The following KCNN2 variants were observed in gnomAD, a reference collection of about 807,000 sequenced individuals.
The protein encoded by KCNN2 is small conductance calcium-activated potassium channel protein 2.
In KCNN2, 24 loss-of-function variants were observed where a neutral mutation model predicts 55.5. The observed-to-expected ratio is 0.43, with a 90% confidence interval of 0.31 to 0.61. The LOEUF (loss-of-function observed/expected upper bound fraction) is 0.61, where lower values mean the gene tolerates loss of function less well. Among genes scored for constraint, KCNN2 ranks in the 20% least tolerant of loss-of-function variants. The pLI, the probability that KCNN2 is intolerant of heterozygous loss-of-function variation, is 0.08. For missense variants in KCNN2, 754 were observed against 853.6 expected, an observed-to-expected ratio of 0.88 and a Z score of 1.45; for synonymous variants, 431 against 336.1, an observed-to-expected ratio of 1.28 and a Z score of -3.09.
At chr5:114,337,401 AG>A (rs1756941005) in intron 2 of KCNN2, among the ~76,000 whole-genome samples, 3 of 152,202 alleles carry the variant, frequency 2.0e-5, no homozygotes, top group Non-Finnish European at 4.4e-5. Context: ...TGTCCCATGT[AG>A]CTAGTGAAAA....
intron 1 of KCNN2, among the ~76,000 whole-genome samples, chr5:114,058,087 A>G (rs1422839258): frequency 6.6e-6 from 1 of 152,244 alleles, no homozygotes; most frequent in African/African-American, 2.4e-5. Context: ...CATGTTCGAC[A>G]GAAGACATGC....
At chr5:114,300,354 C>G (rs1228131734) in intron 2 of KCNN2, among the ~76,000 whole-genome samples, 1 of 152,188 alleles carries the variant, frequency 6.6e-6, no homozygotes, top group Non-Finnish European at 1.5e-5. Context: ...GGACAACAGT[C>G]TCAGCCTCCA....
chr5:114,105,399 C>T (rs1454186842), intron 1 of KCNN2, among the ~76,000 whole-genome samples: 2 of 152,006 alleles, frequency 1.3e-5, no homozygotes, highest in Non-Finnish European at 2.9e-5. Context: ...TCTTTGATAG[C>T]ATCCTGTTTG....
intron 3 of KCNN2, among the ~76,000 whole-genome samples, chr5:114,433,006 G>C (rs866552326): frequency 1.3e-5 from 2 of 152,094 alleles, no homozygotes; most frequent in Non-Finnish European, 2.9e-5. Flanking sequence ...TCCCTGATGA[G>C]CGCCACCCCC....
chr5:114,129,046 G>T (rs560601443), intron 1 of KCNN2, among the ~76,000 whole-genome samples: 30 of 152,212 alleles, frequency 2.0e-4, no homozygotes, highest in African/African-American at 6.7e-4. Context: ...CAAAGATAAG[G>T]GTTTGATAGC....
chr5:114,451,681 G>C (rs1760686168), intron 3 of KCNN2, among the ~76,000 whole-genome samples: 1 of 152,070 alleles, frequency 6.6e-6, no homozygotes, highest in South Asian at 2.1e-4. Flanking sequence ...CGGATTATGA[G>C]GTCAGGAGAT....
At chr5:114,283,027 T>A (rs890309644) in intron 2 of KCNN2, among the ~76,000 whole-genome samples, 1 of 152,216 alleles carries the variant, frequency 6.6e-6, no homozygotes. Flanking sequence ...TCCACTATCA[T>A]GTGAATTTGT....
chr5:114,169,153 A>C (rs1358737335), intron 1 of KCNN2, among the ~76,000 whole-genome samples: 1 of 152,118 alleles, frequency 6.6e-6, no homozygotes, highest in Non-Finnish European at 1.5e-5. Flanking sequence ...CTTCCTGTAC[A>C]GCCTGCAGAA....
At chr5:114,162,041 G>A (rs191324476) in intron 1 of KCNN2, among the ~76,000 whole-genome samples, 67 of 152,300 alleles carry the variant, frequency 4.4e-4, no homozygotes, top group African/African-American at 1.6e-3. Context: ...TCCATTGCTG[G>A]TGAGGAGCTG....
intron 1 of KCNN2, among the ~76,000 whole-genome samples, chr5:114,066,154 AG>A (rs1257771165): frequency 6.6e-6 from 1 of 152,170 alleles, no homozygotes; most frequent in Non-Finnish European, 1.5e-5. Flanking sequence ...TGTAGCACAA[AG>A]GCCATGGGAT....
At chr5:114,108,546 T>A (rs1468557715) in intron 1 of KCNN2, among the ~76,000 whole-genome samples, 1 of 152,072 alleles carries the variant, frequency 6.6e-6, no homozygotes, top group East Asian at 1.9e-4. Context: ...TAACACACAT[T>A]TGACTTCTTT....
chr5:114,327,509 A>G (rs923511409), intron 2 of KCNN2, among the ~76,000 whole-genome samples: 5 of 152,248 alleles, frequency 3.3e-5, no homozygotes, highest in Non-Finnish European at 5.9e-5. Context: ...AAGATAAAAA[A>G]CGCTGAGTTA....
intron 3 of KCNN2, among the ~76,000 whole-genome samples, chr5:114,420,747 T>C (rs966522147): frequency 2.6e-5 from 4 of 152,238 alleles, no homozygotes; most frequent in African/African-American, 9.6e-5. Context: ...TTATAGGCAA[T>C]CTAGAACTTT....
intron 1 of KCNN2, among the ~76,000 whole-genome samples, chr5:114,175,644 T>C (rs1175484139): frequency 6.6e-6 from 1 of 152,094 alleles, no homozygotes; most frequent in Non-Finnish European, 1.5e-5. Flanking sequence ...ATGTAAAGTA[T>C]AGGCACACTC....
chr5:114,139,440 AAC>A lies in KCNN2; in HGVS notation c.-270-82033_-270-82032del, dbSNP rs200816018. Among the ~76,000 whole-genome samples the A allele has an allele frequency of 2.5e-3, 366 of 149,272 alleles. 6 individuals carry two copies. Among genetic ancestry groups the A allele is most frequent in the African/African-American group, 8.5e-3 (350 of 41,068 alleles). ...TTTATTTTAATTTGCAAAGCAAAGG[AAC>A]ACACACTCACACAACCACCCCCCCC... On this transcript the variant is annotated intron_variant, in intron 1 of 10. Transcript: ENST00000512097.
At position 114,380,454 on chromosome 5, in the gene KCNN2, A is replaced by G. The variant is rs181177097; in HGVS notation, c.1218+16453A>G. Reference sequence around the variant, plus strand: ...CAGAGCTACAGAGCATCAAAGAGAAAGGGATCGTGATTCAATTCCAGGTTT... The same window carrying G: ...CAGAGCTACAGAGCATCAAAGAGAAGGGGATCGTGATTCAATTCCAGGTTT... On this transcript the variant is annotated intron_variant, in intron 2 of 7. Transcript: ENST00000673685. Among the ~76,000 whole-genome samples the G allele has an allele frequency of 5.8e-3, 880 of 152,290 alleles. 11 individuals carry two copies. The highest frequency in any genetic ancestry group is 6.4e-3 in the Non-Finnish European group (434 of 68,006).
intron 2 of KCNN2, among the ~76,000 whole-genome samples, chr5:114,243,488 G>A (rs913463242): frequency 0.021 from 3 of 142 alleles, no homozygotes; most frequent in African/African-American, 0.079. Flanking sequence ...TTTGTCCAGC[G>A]TATCCACACA....
intron 2 of KCNN2, among the ~76,000 whole-genome samples, chr5:114,381,721 T>G (rs1035053782): frequency 1.3e-5 from 2 of 152,270 alleles, no homozygotes; most frequent in African/African-American, 4.8e-5. Context: ...CTTCCTTTCC[T>G]GAGCAACATT....
rs139177664 is a variant in KCNN2, at chr5:114,100,734, G to A, written c.-271+44234G>A. 1.2e-4 allele frequency among the ~76,000 whole-genome samples: 18 copies of A among 152,136 alleles called. 2 individuals carry two copies. The highest frequency in any genetic ancestry group is 1.5e-4 in the Non-Finnish European group (10 of 67,988). Reference sequence around the variant, plus strand: ...GCTTCTTGGAGAAATTATGGATTCCGGGTCAGAGGAGAAGTATAAGCCAAG... The same window carrying A: ...GCTTCTTGGAGAAATTATGGATTCCAGGTCAGAGGAGAAGTATAAGCCAAG... On this transcript the variant is annotated intron_variant, in intron 1 of 10. Transcript: ENST00000512097.
Sources: allele counts gnomAD v4.1 joint callset (sites outside exome capture counted in the v4.1 genomes callset), GRCh38; gene constraint gnomAD v4.1.1; transcripts MANE v1.5; gene names NCBI Gene and HGNC (gene_info 2026-07-23, HGNC 2026-07-21).